MAP7: variants seen among roughly 807,000 people sequenced by gnomAD.
The protein encoded by MAP7 is microtubule associated protein 7, also known as ensconsin.
Under a neutral mutation model 94.8 loss-of-function variants are expected in MAP7, and 52 were observed. The observed-to-expected ratio is 0.55, with a 90% confidence interval of 0.44 to 0.69. MAP7 has a LOEUF of 0.69. Among genes scored for constraint, MAP7 ranks in the 30% least tolerant of loss-of-function variants. MAP7 has a pLI of 0.00. For missense variants in MAP7, 940 were observed against 964.6 expected (o/e 0.97, Z 0.34); for synonymous variants, 350 against 357.0 (o/e 0.98, Z 0.22).
chr6:136,351,939 C>CA (rs1402775569), intron 16 of MAP7, among the ~76,000 whole-genome samples: 1 of 152,184 alleles, frequency 6.6e-6, no homozygotes, highest in Non-Finnish European at 1.5e-5. Flanking sequence ...AGCCTCCCCC[C>CA]AGCACCCCCA....
intron 17 of MAP7, among the ~76,000 whole-genome samples, chr6:136,345,536 C>T (rs1787431469): frequency 6.6e-6 from 1 of 152,200 alleles, no homozygotes; most frequent in South Asian, 2.1e-4. Context: ...ACAGCCCTGT[C>T]TTTCTACAAA....
intron 6 of MAP7, among the ~76,000 whole-genome samples, chr6:136,378,591 C>A (rs1311530159): frequency 6.6e-6 from 1 of 152,078 alleles, no homozygotes; most frequent in Non-Finnish European, 1.5e-5. Context: ...AAGCCAAAAT[C>A]CAATATAAAC....
At chr6:136,482,069 A>G (rs1034017772) in intron 1 of MAP7, among the ~76,000 whole-genome samples, 12 of 152,208 alleles carry the variant, frequency 7.9e-5, no homozygotes, top group Admixed American at 6.5e-4. Flanking sequence ...TAAAACCACA[A>G]TGAGATACTA....
At chr6:136,409,350 C>G (rs573442463) in intron 3 of MAP7, among the ~76,000 whole-genome samples, 1 of 152,050 alleles carries the variant, frequency 6.6e-6, no homozygotes, top group South Asian at 2.1e-4. Flanking sequence ...CTGTGAACAG[C>G]TATTGCAGTC....
chr6:136,462,047 A>C (rs563301153), intron 1 of MAP7, among the ~76,000 whole-genome samples: 1 of 152,146 alleles, frequency 6.6e-6, no homozygotes, highest in East Asian at 1.9e-4. Flanking sequence ...AAGATGGTAT[A>C]TCAAGCCAGG....
chr6:136,519,268 T>C (rs992606450), intron 1 of MAP7, among the ~76,000 whole-genome samples: 2 of 152,190 alleles, frequency 1.3e-5, no homozygotes, highest in African/African-American at 4.8e-5. Flanking sequence ...CCTCAAGATT[T>C]CCTCCTCAAA....
chr6:136,416,044 G>T (rs1789286504), intron 2 of MAP7, among the ~76,000 whole-genome samples: 1 of 152,184 alleles, frequency 6.6e-6, no homozygotes, highest in Non-Finnish European at 1.5e-5. Flanking sequence ...TTGGGTGCTA[G>T]AATGTCATTA....
At chr6:136,375,544 ATAATC>A (rs1386668881) in intron 7 of MAP7, among the ~76,000 whole-genome samples, 1 of 152,080 alleles carries the variant, frequency 6.6e-6, no homozygotes. Context: ...ACATGAAAGA[ATAATC>A]AAGGACAATA....
intron 1 of MAP7, among the ~76,000 whole-genome samples, chr6:136,500,017 A>G (rs1413477100): frequency 6.6e-6 from 1 of 152,016 alleles, no homozygotes; most frequent in African/African-American, 2.4e-5. Flanking sequence ...AACAAACAAA[A>G]ACAGTTGAGT....
chr6:136,452,992 T>C (rs924513375), intron 1 of MAP7, among the ~76,000 whole-genome samples: 4 of 152,212 alleles, frequency 2.6e-5, no homozygotes, highest in African/African-American at 9.6e-5. Flanking sequence ...ATTCACTTCA[T>C]TGCAGTGGTC....
chr6:136,443,075 A>G (rs1798328746), intron 1 of MAP7, among the ~76,000 whole-genome samples: 1 of 152,204 alleles, frequency 6.6e-6, no homozygotes, highest in African/African-American at 2.4e-5. Flanking sequence ...ATACCCTAGA[A>G]TTATATGTGC....
intron 1 of MAP7, among the ~76,000 whole-genome samples, chr6:136,469,409 G>T (rs1808231488): frequency 6.8e-6 from 1 of 147,372 alleles, no homozygotes; most frequent in Non-Finnish European, 1.5e-5. Flanking sequence ...TTTCTTTGAA[G>T]GTCTCATTGT....
At chr6:136,413,705 G>A (rs1339139866) in intron 2 of MAP7, among the ~76,000 whole-genome samples, 1 of 151,930 alleles carries the variant, frequency 6.6e-6, no homozygotes, top group African/African-American at 2.4e-5. Context: ...TTGACCTCCT[G>A]GGTTCAAGTG....
intron 3 of MAP7, among the ~76,000 whole-genome samples, chr6:136,405,092 T>C (rs1785190785): frequency 6.6e-6 from 1 of 152,226 alleles, no homozygotes; most frequent in Admixed American, 6.5e-5. Flanking sequence ...GATACTTTGG[T>C]AACGTTTTAA....
intron 1 of MAP7, among the ~76,000 whole-genome samples, chr6:136,424,090 G>A (rs994214720): frequency 1.2e-4 from 18 of 152,014 alleles, no homozygotes; most frequent in Non-Finnish European, 2.5e-4. Flanking sequence ...GAGCCACCAC[G>A]CCCAGCTGGG....
intron 1 of MAP7, among the ~76,000 whole-genome samples, chr6:136,465,798 A>G (rs1022723168): frequency 6.6e-6 from 1 of 152,180 alleles, no homozygotes; most frequent in African/African-American, 2.4e-5. Flanking sequence ...ACACTAATCC[A>G]TCTTCTAACA....
In MAP7 at chr6:136,345,871, T is replaced by C. The variant is rs1266356880; in HGVS notation, c.2224A>G (p.Thr742Ala). ...GPLPQVDGVQTQQTAEVI is the reference protein window; with the variant it reads ...GPLPQVDGVQAQQTAEVI ...GCAAGCTTACCTGCAGTCTGCTGTG[T>C]CTGAACACCATCTACCTGAGGCAGG... Residue 742 changes from threonine to alanine, a missense_variant, in exon 17 of 18, where the codon ACA becomes GCA. Thr to Ala is a moderately conservative substitution (Grantham distance 58). Transcript: ENST00000354570. 1 of 1,614,006 alleles carries C rather than the reference T, an allele frequency of 6.2e-7. No homozygotes were observed. Among genetic ancestry groups the C allele is most frequent in the Non-Finnish European group, 8.5e-7 (1 of 1,179,976 alleles).
chr6:136,428,173 T>C (rs150029605), intron 1 of MAP7, among the ~76,000 whole-genome samples: 1 of 152,256 alleles, frequency 6.6e-6, no homozygotes, highest in Non-Finnish European at 1.5e-5. Flanking sequence ...CAAAGAGAAG[T>C]TGAGGCAGTT....
At chr6:136,403,703 TG>T (rs1784803781) in intron 3 of MAP7, among the ~76,000 whole-genome samples, 1 of 152,212 alleles carries the variant, frequency 6.6e-6, no homozygotes, top group South Asian at 2.1e-4. Context: ...CAAAGTAATT[TG>T]GGGAGAAAAA....
Sources: gnomAD v4.1 joint callset for allele counts (sites outside exome capture counted in the v4.1 genomes callset) on GRCh38, gnomAD v4.1.1 for gene constraint, MANE v1.5 for transcripts, NCBI Gene and HGNC (gene_info 2026-07-23, HGNC 2026-07-21) for gene names.